DUSP10: variants seen among roughly 807,000 people sequenced by gnomAD.
The protein encoded by DUSP10 is dual specificity phosphatase 10, also known as dual specificity protein phosphatase 10.
A neutral mutation model predicts 30.8 loss-of-function variants in DUSP10; 14 were observed. The ratio of observed to expected loss-of-function variants is 0.46; its 90% CI spans 0.30 to 0.71. The LOEUF (loss-of-function observed/expected upper bound fraction) is 0.71. Among genes scored for constraint, DUSP10 ranks in the 30% least tolerant of loss-of-function variants. The pLI is 0.08. For missense variants in DUSP10, 550 were observed against 619.4 expected (o/e 0.89, Z 1.19); for synonymous variants, 254 against 250.4 (o/e 1.01, Z -0.14).
intron 2 of DUSP10, among the ~76,000 whole-genome samples, chr1:221,713,399 G>C (rs1347592862): frequency 6.6e-6 from 1 of 151,808 alleles, no homozygotes; most frequent in Admixed American, 6.6e-5. Context: ...ATTTTCAGAA[G>C]CCTTGAAAAA....
intron 2 of DUSP10, among the ~76,000 whole-genome samples, chr1:221,708,724 C>T (rs1327651772): frequency 6.6e-6 from 1 of 152,136 alleles, no homozygotes; most frequent in African/African-American, 2.4e-5. Context: ...AAGATAAAAA[C>T]TACCCATTGT....
Position 221,706,012 on chromosome 1 carries a change from A to C in DUSP10, c.1183+83T>G. The C allele has an allele frequency of 6.5e-7, 1 of 1,531,592 alleles. No homozygotes were observed. The highest frequency in any genetic ancestry group is 8.8e-7 in the Non-Finnish European group (1 of 1,140,046). 94.9% of individuals were successfully genotyped at this position (1,531,592 alleles called of 1,614,324 possible). ...GCAGCTTTTCTTTTCCAACACAGGA[A>C]TAAACCTTGAACTTGATATCAAAGC... On this transcript the variant is annotated intron_variant, in intron 3 of 3. Coordinates refer to ENST00000366899, the MANE Select transcript of DUSP10 (RefSeq NM_007207.6). The surrounding 1 kb of genome is among the most constrained non-coding windows in gnomAD (Gnocchi z 4.6).
chr1:221,718,637 G>A (rs185253404), intron 2 of DUSP10, among the ~76,000 whole-genome samples: 1 of 152,268 alleles, frequency 6.6e-6, no homozygotes, highest in East Asian at 1.9e-4. Context: ...TTTAAATAAT[G>A]AAGCATTGCT....
At chr1:221,713,169 G>A (rs1339189929) in intron 2 of DUSP10, among the ~76,000 whole-genome samples, 1 of 152,168 alleles carries the variant, frequency 6.6e-6, no homozygotes, top group African/African-American at 2.4e-5. Flanking sequence ...ATCCTGCAGA[G>A]GCAACCCCAT....
chr1:221,724,531 A>T (rs1394664363), intron 2 of DUSP10, among the ~76,000 whole-genome samples: 1 of 152,192 alleles, frequency 6.6e-6, no homozygotes, highest in Non-Finnish European at 1.5e-5. Context: ...CCTACAGCAC[A>T]TCTCTGTTTG....
intron 2 of DUSP10, among the ~76,000 whole-genome samples, chr1:221,727,848 C>T (rs1250024378): frequency 6.6e-6 from 1 of 152,184 alleles, no homozygotes; most frequent in East Asian, 1.9e-4. Context: ...TCCCCTCTCA[C>T]TGGAGGACCT....
chr1:221,737,006 T>C (rs1294771842), intron 2 of DUSP10: 10 of 985,358 alleles, frequency 1.0e-5, no homozygotes, highest in Admixed American at 1.2e-4. Context: ...GGAAGAAGTC[T>C]AGGCTGTCCA....
chr1:221,702,401 C>G lies in DUSP10; in HGVS notation c.*11G>C, dbSNP rs1294198653. 1 of 1,613,224 alleles carries G rather than the reference C, an allele frequency of 6.2e-7. No homozygotes were observed. Among genetic ancestry groups the G allele is most frequent in the South Asian group, 1.1e-5 (1 of 91,036 alleles). On this transcript the variant is annotated 3_prime_UTR_variant, in exon 4 of 4. Coordinates refer to ENST00000366899, the MANE Select transcript of DUSP10 (RefSeq NM_007207.6). This position sits in a 1 kb window ranked among gnomAD's most constrained non-coding sequence, Gnocchi z 4.5. ...AATGGAGAGCAGCAATCCTTTCCATCCAGACCATTGTCACACAACCGTCTC... is the reference window on the plus strand; with the variant it reads ...AATGGAGAGCAGCAATCCTTTCCATGCAGACCATTGTCACACAACCGTCTC...
intron 2 of DUSP10, among the ~76,000 whole-genome samples, chr1:221,710,531 A>T (rs1238905887): frequency 3.2e-5 from 3 of 93,612 alleles, no homozygotes; most frequent in South Asian, 5.4e-4. Context: ...TTAAAGATCT[A>T]AAAAAAAAAA....
chr1:221,736,466 G>A lies in DUSP10; in HGVS notation c.811+2468C>T, dbSNP rs575998801. Among the ~76,000 whole-genome samples, 3 of 152,290 alleles carry A rather than the reference G, an allele frequency of 2.0e-5. No individual in the cohort carries two copies. In the East Asian group the frequency reaches 5.8e-4, roughly 29 times the overall value. On this transcript the variant is annotated intron_variant, in intron 2 of 3. Coordinates refer to ENST00000366899, the MANE Select transcript of DUSP10 (RefSeq NM_007207.6). ...TGCTGAAACACAATCTTATCACCAA[G>A]GGAGGGGATTACTCAAATAAATCTG...
At chr1:221,723,182 C>A (rs979388274) in intron 2 of DUSP10, among the ~76,000 whole-genome samples, 10 of 152,242 alleles carry the variant, frequency 6.6e-5, no homozygotes, top group East Asian at 3.9e-4. Flanking sequence ...GAGATTACAG[C>A]CTGAAGGGTT....
chr1:221,721,675 TCTC>T, intron 2 of DUSP10, among the ~76,000 whole-genome samples: 1 of 152,074 alleles, frequency 6.6e-6, no homozygotes, highest in South Asian at 2.1e-4. Context: ...CTTTCTCCTC[TCTC>T]CTCGCCCCTA....
intron 2 of DUSP10, among the ~76,000 whole-genome samples, chr1:221,729,473 C>T (rs1476864296): frequency 1.3e-5 from 2 of 152,118 alleles, no homozygotes; most frequent in Non-Finnish European, 2.9e-5. Flanking sequence ...GGATTTCAAT[C>T]CTTATTCTCT....
In DUSP10 at chr1:221,702,408, A is replaced by G. The variant is rs575353884; in HGVS notation, c.*4T>C. Reference sequence around the variant, plus strand: ...AGCAGCAATCCTTTCCATCCAGACCATTGTCACACAACCGTCTCCACGCCC... The same window carrying G: ...AGCAGCAATCCTTTCCATCCAGACCGTTGTCACACAACCGTCTCCACGCCC... On this transcript the variant is annotated 3_prime_UTR_variant, in exon 4 of 4. Transcript: ENST00000366899. The surrounding 1 kb of genome is among the most constrained non-coding windows in gnomAD (Gnocchi z 4.5). The G allele has an allele frequency of 6.2e-7, 1 of 1,613,490 alleles. No individual in the cohort carries two copies. Among genetic ancestry groups the G allele is most frequent in the South Asian group, 1.1e-5 (1 of 91,038 alleles).
intron 2 of DUSP10, chr1:221,736,751 G>C (rs1425057194): frequency 1.1e-6 from 1 of 927,840 alleles, no homozygotes; most frequent in Non-Finnish European, 1.3e-6. Context: ...TTATAAAGTA[G>C]AATATAGACC....
At chr1:221,707,723 C>T (rs1039810010) in intron 2 of DUSP10, among the ~76,000 whole-genome samples, 2 of 152,140 alleles carry the variant, frequency 1.3e-5, no homozygotes, top group African/African-American at 4.8e-5. Context: ...AAAGTTATTA[C>T]ATTCATTCCA....
intron 2 of DUSP10, among the ~76,000 whole-genome samples, chr1:221,733,601 A>G (rs913664700): frequency 3.3e-5 from 5 of 152,258 alleles, no homozygotes; most frequent in East Asian, 1.9e-4. Flanking sequence ...ACATTAGTGC[A>G]TGAGAGTAGG....
intron 2 of DUSP10, among the ~76,000 whole-genome samples, chr1:221,728,902 A>G (rs1314095307): frequency 6.6e-6 from 1 of 152,186 alleles, no homozygotes; most frequent in Non-Finnish European, 1.5e-5. Flanking sequence ...TCATCCTTCT[A>G]TCCACAGGCT....
intron 2 of DUSP10, among the ~76,000 whole-genome samples, chr1:221,721,640 A>G (rs1661280017): frequency 1.3e-5 from 2 of 152,260 alleles, no homozygotes; most frequent in Non-Finnish European, 2.9e-5. Context: ...ATCCAAGGCA[A>G]ATCACACTTG....
Sources: gnomAD v4.1 joint callset for allele counts (sites outside exome capture counted in the v4.1 genomes callset) on GRCh38, gnomAD v4.1.1 for gene constraint, Gnocchi (gnomAD v3.1) non-coding constraint, MANE v1.5 for transcripts, NCBI Gene and HGNC (gene_info 2026-07-23, HGNC 2026-07-21) for gene names.